The following BIN3 variants were observed in gnomAD, a reference collection of about 807,000 sequenced individuals.
BIN3 encodes the protein bridging integrator 3.
BIN3 carries 41 observed loss-of-function variants against 38.2 expected under a neutral mutation model. The ratio of observed to expected loss-of-function variants is 1.07; its 90% CI spans 0.84 to 1.39. The LOEUF (loss-of-function observed/expected upper bound fraction) is 1.39, where lower values mean the gene tolerates loss of function less well. Ranked by LOEUF, BIN3 falls within the 40% of genes most tolerant of loss-of-function variation. The probability of loss-of-function intolerance (pLI) is 0.00; values close to 1 mark genes in which losing one functional copy is unlikely to be tolerated. For synonymous variants in BIN3, 145 were observed against 122.6 expected (o/e 1.18, Z -1.21); for missense variants, 361 against 324.3 (o/e 1.11, Z -0.87).
intron 2 of BIN3, among the ~76,000 whole-genome samples, chr8:22,643,159 G>A (rs1325494902): frequency 1.3e-5 from 2 of 152,194 alleles, no homozygotes; most frequent in African/African-American, 2.4e-5. Flanking sequence ...AAACTCTGGA[G>A]ACTCAAAGCC....
In BIN3 at chr8:22,666,253, C is replaced by T. The variant is rs566972107; in HGVS notation, c.8+2791G>A. ...ATTCTACTTAATCCTCTCTCCATAC[C>T]ATAATAAAGCCACCTGAGTATACAC... On this transcript the variant is annotated intron_variant, in intron 1 of 8. Coordinates refer to ENST00000276416, the MANE Select transcript of BIN3 (RefSeq NM_018688.6). Among the ~76,000 whole-genome samples the T allele has an allele frequency of 2.3e-4, 35 of 151,498 alleles. No individual in the cohort carries two copies. The East Asian group carries it at 6.0e-3, about 26-fold the overall frequency.
chr8:22,655,085 A>G (rs2117583676), intron 1 of BIN3, among the ~76,000 whole-genome samples: 1 of 152,248 alleles, frequency 6.6e-6, no homozygotes, highest in Non-Finnish European at 1.5e-5. Context: ...TCATGTGTTC[A>G]TTTGTATATC....
chr8:22,644,313 T>C (rs1802650147), intron 2 of BIN3, among the ~76,000 whole-genome samples: 1 of 152,238 alleles, frequency 6.6e-6, no homozygotes, highest in South Asian at 2.1e-4. Context: ...CATTTGGAAG[T>C]TGACACAAAC....
At position 22,630,490 on chromosome 8, in the gene BIN3, C is replaced by A. The variant is rs370739500; in HGVS notation, c.249G>T (p.Thr83=). Residue 83 remains threonine (T), a synonymous_variant, in exon 5 of 9, where the codon ACG becomes ACT. Transcript: ENST00000276416. ...EQDQDLLNMV[T]ALDTAMKRMD... ...TCCGCTTCATGGCCGTGTCCAGGGC[C>A]GTCACCATGTTCAGAAGGTCCTGGT... is the stretch of plus-strand genomic sequence containing the variant. 1.2e-6 allele frequency: 2 copies of A among 1,614,000 alleles called. No homozygotes were observed. Among genetic ancestry groups the A allele is most frequent in the Non-Finnish European group, 1.7e-6 (2 of 1,179,870 alleles).
intron 1 of BIN3, among the ~76,000 whole-genome samples, chr8:22,658,306 G>C (rs181647068): frequency 2.2e-4 from 33 of 152,244 alleles, no homozygotes; most frequent in East Asian, 7.7e-4. Flanking sequence ...GAGGGCAAAG[G>C]GGGGAAAGAT....
chr8:22,656,180 C>T (rs550491260), intron 1 of BIN3, among the ~76,000 whole-genome samples: 144 of 144,820 alleles, frequency 9.9e-4, no homozygotes, highest in South Asian at 7.7e-3. Flanking sequence ...GGCCATATTT[C>T]TTTTCATTCA....
chr8:22,637,099 A>G, intron 2 of BIN3, 137 bp from the exon 3 acceptor site: 1 of 744,410 alleles, frequency 1.3e-6, no homozygotes, highest in Non-Finnish European at 2.4e-6. Context: ...AAGCACCGAC[A>G]GATCGCTCCT....
At chr8:22,666,822 G>C (rs1803437190) in intron 1 of BIN3, among the ~76,000 whole-genome samples, 1 of 152,228 alleles carries the variant, frequency 6.6e-6, no homozygotes, top group East Asian at 1.9e-4. Context: ...CACAGCCCAT[G>C]TACTTGGTGA....
chr8:22,644,849 G>T, intron 1 of BIN3, 46 bp from the exon 2 acceptor site: 1 of 1,548,156 alleles, frequency 6.5e-7, no homozygotes, highest in Non-Finnish European at 8.9e-7. Context: ...AAGTGGGGAA[G>T]GATGCAGCTC....
At chr8:22,667,505 A>T (rs1039259472) in intron 1 of BIN3, among the ~76,000 whole-genome samples, 3 of 152,248 alleles carry the variant, frequency 2.0e-5, no homozygotes, top group Non-Finnish European at 4.4e-5. Context: ...AACACTCCAA[A>T]GATTCAAGAC....
chr8:22,630,802 C>T (rs73671220), intron 4 of BIN3, among the ~76,000 whole-genome samples: 1,856 of 152,248 alleles, frequency 0.012, 30 homozygotes, highest in African/African-American at 0.041. Flanking sequence ...TCTTTTGAGC[C>T]GCTTTACCTG....
At chr8:22,659,531 C>G (rs528926310) in intron 1 of BIN3, among the ~76,000 whole-genome samples, 7 of 152,234 alleles carry the variant, frequency 4.6e-5, no homozygotes, top group Non-Finnish European at 7.3e-5. Context: ...CACACGAGAG[C>G]TGGGCGATCA....
At chr8:22,623,066 G>T (rs1801881651) in intron 8 of BIN3, among the ~76,000 whole-genome samples, 1 of 152,204 alleles carries the variant, frequency 6.6e-6, no homozygotes, top group Non-Finnish European at 1.5e-5. Flanking sequence ...CAGACGCCCA[G>T]CCACGCTCAG....
chr8:22,654,298 T>C (rs1464323656), intron 1 of BIN3, among the ~76,000 whole-genome samples: 1 of 152,240 alleles, frequency 6.6e-6, no homozygotes, highest in Non-Finnish European at 1.5e-5. Flanking sequence ...ATAAATTAGA[T>C]GTATGTATTC....
At chr8:22,624,097 G>A (rs368899396) in intron 7 of BIN3, 48 bp from the exon 8 acceptor site, 39 of 1,581,802 alleles carry the variant, frequency 2.5e-5, no homozygotes, top group East Asian at 1.1e-4. Flanking sequence ...GCTGGGTGCC[G>A]GATACGGGAT....
chr8:22,651,200 T>C (rs1043673080), intron 1 of BIN3, among the ~76,000 whole-genome samples: 17 of 152,194 alleles, frequency 1.1e-4, no homozygotes, highest in African/African-American at 4.1e-4. Context: ...TTCCCTAAAA[T>C]TGGTAATTGT....
intron 2 of BIN3, among the ~76,000 whole-genome samples, chr8:22,641,851 G>A (rs192211281): frequency 6.6e-6 from 1 of 152,290 alleles, no homozygotes; most frequent in Admixed American, 6.5e-5. Flanking sequence ...ATCCTCCCAG[G>A]TTATGGAGGA....
Position 22,630,522 on chromosome 8 carries a change from C to A in BIN3, c.217G>T (p.Glu73Ter), listed in dbSNP as rs1382958968. ...ATGTTCAGAAGGTCCTGGTCTTGCTCACAGAGGGGATTGGAGAGTAAGTCC... is the reference window on the plus strand; with the variant it reads ...ATGTTCAGAAGGTCCTGGTCTTGCTAACAGAGGGGATTGGAGAGTAAGTCC... ...SLDLLSNPLC[E>*]QDQDLLNMVT... The change falls in exon 5 of 9, where the codon GAG (glutamate) becomes TAG (stop). Residue 73 changes from glutamate to a stop codon, truncating the protein, a stop_gained. Coordinates refer to ENST00000276416, the MANE Select transcript of BIN3 (RefSeq NM_018688.6). LOFTEE classifies it high-confidence loss of function. 1 of 1,614,030 alleles carries A rather than the reference C, an allele frequency of 6.2e-7. No individual in the cohort carries two copies. Among genetic ancestry groups the A allele is most frequent in the Non-Finnish European group, 8.5e-7 (1 of 1,179,880 alleles).
At position 22,667,839 on chromosome 8, in the gene BIN3, C is replaced by T. The variant is rs553335150; in HGVS notation, c.8+1205G>A. ...CAGGTGGGGGAGGGGACAGATGGTTCGCATTTTACTTTAGAGAAGTATCCC... is the reference window on the plus strand; with the variant it reads ...CAGGTGGGGGAGGGGACAGATGGTTTGCATTTTACTTTAGAGAAGTATCCC... On this transcript the variant is annotated intron_variant, in intron 1 of 8. Coordinates refer to ENST00000276416, the MANE Select transcript of BIN3 (RefSeq NM_018688.6). Among the ~76,000 whole-genome samples, 13 of 152,286 alleles carry T rather than the reference C, an allele frequency of 8.5e-5. No individual in the cohort carries two copies. The East Asian group carries it at 2.3e-3, about 27-fold the overall frequency.
Sources: gnomAD v4.1 joint callset for allele counts (sites outside exome capture counted in the v4.1 genomes callset) on GRCh38, gnomAD v4.1.1 for gene constraint, MANE v1.5 for transcripts, NCBI Gene and HGNC (gene_info 2026-07-23, HGNC 2026-07-21) for gene names.